The following F13A1 variants were observed in gnomAD, a reference collection of about 807,000 sequenced individuals.
F13A1 encodes the protein coagulation factor XIII A chain.
F13A1 carries 47 observed loss-of-function variants against 80.1 expected under a neutral mutation model. The observed-to-expected ratio is 0.59, with a 90% CI of 0.46 to 0.75. The LOEUF is 0.75. F13A1 is among the 30% of genes least tolerant of loss of function. F13A1 has a pLI of 0.00. For missense variants in F13A1, 817 were observed against 930.4 expected (o/e 0.88, Z 1.59); for synonymous variants, 349 against 344.9 (o/e 1.01, Z -0.13).
intron 4 of F13A1, among the ~76,000 whole-genome samples, chr6:6,260,206 C>T (rs538788717): frequency 6.6e-6 from 1 of 152,308 alleles, no homozygotes; most frequent in African/African-American, 2.4e-5. Flanking sequence ...ACTGATGTGG[C>T]ATTGCTATTG....
chr6:6,271,780 T>C (rs984863297), intron 3 of F13A1, among the ~76,000 whole-genome samples: 12 of 152,250 alleles, frequency 7.9e-5, no homozygotes, highest in African/African-American at 2.9e-4. Context: ...GAATTATTAT[T>C]GAGGCCACAA....
At chr6:6,195,029 T>C (rs544185977) in intron 10 of F13A1, among the ~76,000 whole-genome samples, 19 of 152,338 alleles carry the variant, frequency 1.2e-4, no homozygotes, top group Non-Finnish European at 2.5e-4. Flanking sequence ...CTGGTGCAAA[T>C]ATACCCTGGG....
At chr6:6,158,694 C>T (rs1180144449) in intron 13 of F13A1, among the ~76,000 whole-genome samples, 8 of 152,004 alleles carry the variant, frequency 5.3e-5, no homozygotes, top group African/African-American at 7.3e-5. Flanking sequence ...GGAGAGAGAA[C>T]GTGCTCGGTT....
At chr6:6,161,102 A>G (rs541056251) in intron 13 of F13A1, among the ~76,000 whole-genome samples, 1 of 152,234 alleles carries the variant, frequency 6.6e-6, no homozygotes, top group African/African-American at 2.4e-5. Flanking sequence ...AGATCATTGG[A>G]GGAACATGTG....
At position 6,229,602 on chromosome 6, in the gene F13A1, C is replaced by T. The variant is rs555045210; in HGVS notation, c.799-4742G>A. Among the ~76,000 whole-genome samples, 18 of 152,210 alleles carry T rather than the reference C, an allele frequency of 1.2e-4. 1 individual carries two copies. The highest frequency in any genetic ancestry group is 3.9e-4 in the African/African-American group (16 of 41,516). The stretch of plus-strand genomic sequence containing the variant: ...TTGGATCATCATGGTGGATGGGAGG[C>T]AGGACTGGATTGCAGCTCTGGACAG... On this transcript the variant is annotated intron_variant, in intron 6 of 14. Coordinates refer to ENST00000264870, the MANE Select transcript of F13A1 (RefSeq NM_000129.4).
At chr6:6,217,534 G>C (rs1411620741) in intron 8 of F13A1, among the ~76,000 whole-genome samples, 1 of 117,312 alleles carries the variant, frequency 8.5e-6, no homozygotes, top group African/African-American at 3.2e-5. Context: ...GTTGTGGGGT[G>C]GGGGGAGGGG....
intron 13 of F13A1, among the ~76,000 whole-genome samples, chr6:6,164,810 C>T (rs1362415782): frequency 6.8e-6 from 1 of 147,206 alleles, no homozygotes; most frequent in Non-Finnish European, 1.5e-5. Context: ...GTTCTCTCCT[C>T]TCCCCTCTGT....
intron 10 of F13A1, among the ~76,000 whole-genome samples, chr6:6,183,054 G>C (rs1761017002): frequency 6.6e-6 from 1 of 152,130 alleles, no homozygotes; most frequent in Non-Finnish European, 1.5e-5. Context: ...TAGAGACAAT[G>C]ACTAATGTGT....
intron 8 of F13A1, among the ~76,000 whole-genome samples, chr6:6,217,270 A>T (rs566199736): frequency 6.6e-6 from 1 of 152,268 alleles, no homozygotes; most frequent in East Asian, 1.9e-4. Flanking sequence ...AAAGACTTGG[A>T]ACCAACCCAA....
chr6:6,194,781 T>C lies in F13A1; in HGVS notation c.1305+1016A>G, dbSNP rs554401487. ...TACAATGCCTGGTGTACATTAATAA[T>C]AACTATTTGTTCCTCCTGGAGTACT... On this transcript the variant is annotated intron_variant, in intron 10 of 14. Coordinates refer to ENST00000264870, the MANE Select transcript of F13A1 (RefSeq NM_000129.4). Among the ~76,000 whole-genome samples the C allele has an allele frequency of 1.2e-4, 18 of 152,370 alleles. No individual in the cohort carries two copies. In the East Asian group the frequency reaches 3.1e-3, roughly 26 times the overall value.
At chr6:6,204,477 A>AT (rs879458626) in intron 8 of F13A1, among the ~76,000 whole-genome samples, 6 of 152,258 alleles carry the variant, frequency 3.9e-5, no homozygotes, top group South Asian at 4.1e-4. Context: ...TTTGTAGCAG[A>AT]TGGGTGTAGC....
At chr6:6,288,299 C>T (rs370837174) in intron 3 of F13A1, among the ~76,000 whole-genome samples, 1 of 152,178 alleles carries the variant, frequency 6.6e-6, no homozygotes. Context: ...ACTTTGTACC[C>T]ATTGATCAAC....
chr6:6,303,955 C>T (rs559431520), intron 3 of F13A1, among the ~76,000 whole-genome samples: 1 of 152,084 alleles, frequency 6.6e-6, no homozygotes, highest in South Asian at 2.1e-4. Context: ...GTGCTTTTTT[C>T]CCTTGAATCT....
chr6:6,217,625 A>C (rs988496930), intron 8 of F13A1, among the ~76,000 whole-genome samples: 1 of 151,976 alleles, frequency 6.6e-6, no homozygotes, highest in East Asian at 1.9e-4. Context: ...ACATGTATAC[A>C]TATGTTACTA....
chr6:6,211,548 T>C (rs1428979531), intron 8 of F13A1, among the ~76,000 whole-genome samples: 1 of 152,274 alleles, frequency 6.6e-6, no homozygotes, highest in East Asian at 1.9e-4. Flanking sequence ...AATTCGTTTT[T>C]AGATCATTCT....
intron 6 of F13A1, among the ~76,000 whole-genome samples, chr6:6,227,720 C>G (rs1436148650): frequency 6.6e-6 from 1 of 152,062 alleles, no homozygotes; most frequent in East Asian, 1.9e-4. Flanking sequence ...GTCCTGATAA[C>G]TGATTTTCAA....
chr6:6,225,203 G>A (rs1757259813), intron 6 of F13A1, among the ~76,000 whole-genome samples: 1 of 152,148 alleles, frequency 6.6e-6, no homozygotes, highest in Non-Finnish European at 1.5e-5. Context: ...ATGATGTGGG[G>A]AAGAGAGGAA....
chr6:6,230,115 G>A (rs1420494996), intron 6 of F13A1, among the ~76,000 whole-genome samples: 2 of 152,176 alleles, frequency 1.3e-5, no homozygotes, highest in African/African-American at 2.4e-5. Flanking sequence ...GGGGGAGGGT[G>A]CAAATCCGGT....
chr6:6,317,373 T>C (rs55963140), intron 2 of F13A1, among the ~76,000 whole-genome samples: 43,521 of 152,010 alleles, frequency 0.29, 6,582 homozygotes, highest in Non-Finnish European at 0.32. Context: ...GGGAGACAGA[T>C]TTCAGAACTA....
Sources: allele counts gnomAD v4.1 joint callset (sites outside exome capture counted in the v4.1 genomes callset), GRCh38; gene constraint gnomAD v4.1.1; transcripts MANE v1.5; gene names NCBI Gene and HGNC (gene_info 2026-07-23, HGNC 2026-07-21).